EYS: variants seen among roughly 807,000 people sequenced by gnomAD.
EYS encodes the protein protein eyes shut homolog.
Under a neutral mutation model 282.1 loss-of-function variants are expected in EYS, and 250 were observed. The ratio of observed to expected loss-of-function variants is 0.89; its 90% CI spans 0.80 to 0.98. The LOEUF is 0.98. Among genes scored for constraint, EYS ranks in the 50% least tolerant of loss-of-function variants. EYS has a pLI of 0.00. For synonymous variants in EYS, 1,355 were observed against 1,282.9 expected (o/e 1.06, Z -1.20); for missense variants, 4,016 against 3,709.0 (o/e 1.08, Z -2.15).
At chr6:65,581,071 T>A (rs897630603) in intron 2 of EYS, among the ~76,000 whole-genome samples, 1 of 152,130 alleles carries the variant, frequency 6.6e-6, no homozygotes, top group Non-Finnish European at 1.5e-5. Flanking sequence ...TCTTAAGGAA[T>A]TATCTATTAA....
At chr6:64,338,409 A>C (rs1770946029) in intron 29 of EYS, among the ~76,000 whole-genome samples, 1 of 151,932 alleles carries the variant, frequency 6.6e-6, no homozygotes, top group African/African-American at 2.4e-5. Flanking sequence ...AAAACTTAGG[A>C]ATATACCTAA....
intron 14 of EYS, among the ~76,000 whole-genome samples, chr6:64,984,396 T>C (rs1583359565): frequency 1.3e-5 from 2 of 151,502 alleles, no homozygotes; most frequent in African/African-American, 4.8e-5. Context: ...TGATGATGAC[T>C]GTCTTGGTAG....
chr6:64,888,158 A>G (rs1767159769), intron 18 of EYS, among the ~76,000 whole-genome samples: 1 of 151,944 alleles, frequency 6.6e-6, no homozygotes, highest in Admixed American at 6.6e-5. Context: ...GGAAAGATTG[A>G]TTGATGGGTG....
chr6:64,526,724 T>C (rs879372495), intron 26 of EYS, among the ~76,000 whole-genome samples: 9 of 151,854 alleles, frequency 5.9e-5, no homozygotes, highest in South Asian at 2.1e-4. Context: ...ATGGATATTA[T>C]TGACATTTCT....
At chr6:65,168,582 G>T (rs745353153) in intron 12 of EYS, among the ~76,000 whole-genome samples, 1 of 151,012 alleles carries the variant, frequency 6.6e-6, no homozygotes, top group Non-Finnish European at 1.5e-5. Context: ...ACACTCTCAT[G>T]ACCTAATATT....
rs760493832 is a variant in EYS at position 65,581,389 on chromosome 6, AT to A, written c.-333+58388del. Among the ~76,000 whole-genome samples, 9 of 151,604 alleles carry A rather than the reference AT, an allele frequency of 5.9e-5. No individual in the cohort carries two copies. The South Asian group carries it at 1.5e-3, about 25-fold the overall frequency. ...CAAAAATTAATGCTATATTTGCTCT[AT>A]TTCTATACAATCAGAAACTATTAAT... On this transcript the variant is annotated intron_variant, in intron 2 of 42. Transcript: ENST00000503581.
At chr6:64,649,043 A>G (rs376717575) in intron 22 of EYS, among the ~76,000 whole-genome samples, 2 of 152,308 alleles carry the variant, frequency 1.3e-5, no homozygotes, top group South Asian at 2.1e-4. Flanking sequence ...ATATACAGAA[A>G]GAAAGGAAAA....
chr6:64,883,945 A>G (rs1156956472), intron 19 of EYS, among the ~76,000 whole-genome samples: 5 of 151,552 alleles, frequency 3.3e-5, no homozygotes, highest in Admixed American at 2.6e-4. Flanking sequence ...TCTTCTTCCA[A>G]TTCTAGATAC....
At chr6:64,671,061 C>T (rs1769442136) in intron 22 of EYS, among the ~76,000 whole-genome samples, 1 of 152,158 alleles carries the variant, frequency 6.6e-6, no homozygotes, top group Admixed American at 6.5e-5. Context: ...TTCATTCCCT[C>T]AAGGCTAGAA....
chr6:64,959,442 T>C (rs976337739), intron 14 of EYS, among the ~76,000 whole-genome samples: 9 of 152,200 alleles, frequency 5.9e-5, no homozygotes, highest in Admixed American at 5.9e-4. Context: ...GAAGGTTCTG[T>C]TGTCATTCTA....
intron 19 of EYS, among the ~76,000 whole-genome samples, chr6:64,854,335 G>T (rs943510822): frequency 5.3e-5 from 8 of 152,004 alleles, no homozygotes; most frequent in African/African-American, 1.9e-4. Context: ...CAATAGAAAA[G>T]ACTTGGAACC....
chr6:65,387,050 A>C (rs1218866673), intron 7 of EYS, among the ~76,000 whole-genome samples: 1 of 151,934 alleles, frequency 6.6e-6, no homozygotes, highest in Non-Finnish European at 1.5e-5. Context: ...GACAAAAACA[A>C]TACTCTTATC....
intron 11 of EYS, chr6:65,330,861 G>A (rs1477443198): frequency 2.1e-6 from 2 of 943,944 alleles, no homozygotes; most frequent in Non-Finnish European, 2.5e-6. Flanking sequence ...TAAGGTATAA[G>A]GTTGTAATCC....
At chr6:63,960,771 T>C (rs746017346) in intron 35 of EYS, among the ~76,000 whole-genome samples, 1 of 152,250 alleles carries the variant, frequency 6.6e-6, no homozygotes, top group Non-Finnish European at 1.5e-5. Flanking sequence ...ATTTTTAAAT[T>C]AAGGTATGTG....
At chr6:65,429,166 C>CA (rs935278985) in intron 5 of EYS, among the ~76,000 whole-genome samples, 7 of 144,136 alleles carry the variant, frequency 4.9e-5, no homozygotes, top group Admixed American at 1.4e-4. Flanking sequence ...GCAACAAGAG[C>CA]AAAATCATCT....
chr6:65,244,252 C>T (rs1244627565), intron 12 of EYS, among the ~76,000 whole-genome samples: 1 of 152,094 alleles, frequency 6.6e-6, no homozygotes, highest in Non-Finnish European at 1.5e-5. Context: ...AGTCGTTTCA[C>T]GCAAATTATT....
At chr6:63,742,748 G>C (rs921691485) in intron 41 of EYS, among the ~76,000 whole-genome samples, 8 of 152,234 alleles carry the variant, frequency 5.3e-5, no homozygotes, top group African/African-American at 1.9e-4. Flanking sequence ...TTATCTATCA[G>C]TTCTTTTCAC....
chr6:64,043,705 A>G (rs1562171029), intron 33 of EYS, among the ~76,000 whole-genome samples: 1 of 152,208 alleles, frequency 6.6e-6, no homozygotes, highest in Non-Finnish European at 1.5e-5. Flanking sequence ...ATCTACTCCA[A>G]GTATCCTTAT....
intron 35 of EYS, among the ~76,000 whole-genome samples, chr6:63,943,333 C>G (rs1384660416): frequency 1.3e-5 from 2 of 152,158 alleles, no homozygotes; most frequent in East Asian, 1.9e-4. Context: ...ACATTTGGTA[C>G]TTGATTATTT....
Sources: gnomAD v4.1 joint callset for allele counts (sites outside exome capture counted in the v4.1 genomes callset) on GRCh38, gnomAD v4.1.1 for gene constraint, MANE v1.5 for transcripts, NCBI Gene and HGNC (gene_info 2026-07-23, HGNC 2026-07-21) for gene names.